Variants in EYS observed in about 807,000 individuals in gnomAD.
EYS encodes the protein protein eyes shut homolog.
EYS carries 250 observed loss-of-function variants against 282.1 expected under a neutral mutation model. The observed-to-expected ratio is 0.89, with a 90% confidence interval of 0.80 to 0.98. EYS has a LOEUF of 0.98. Among genes scored for constraint, EYS ranks in the 50% least tolerant of loss-of-function variants. EYS has a pLI of 0.00. For missense variants in EYS, 4,016 were observed against 3,709.0 expected (o/e 1.08, Z -2.15); for synonymous variants, 1,355 against 1,282.9 (o/e 1.06, Z -1.20).
At chr6:64,305,857 G>C (rs141459041) in intron 30 of EYS, among the ~76,000 whole-genome samples, 280 of 152,162 alleles carry the variant, frequency 1.8e-3, no homozygotes, top group Middle Eastern at 3.4e-3. Flanking sequence ...CAAATGCACA[G>C]GCAATGAAAG....
At chr6:64,387,598 C>G (rs1313784810) in intron 29 of EYS, among the ~76,000 whole-genome samples, 1 of 152,002 alleles carries the variant, frequency 6.6e-6, no homozygotes, top group African/African-American at 2.4e-5. Flanking sequence ...AGGAACTGTC[C>G]TTGCCTTGGT....
chr6:65,458,879 A>G (rs9342480), intron 5 of EYS, among the ~76,000 whole-genome samples: 28,377 of 152,036 alleles, frequency 0.19, 3,275 homozygotes, highest in Middle Eastern at 0.3. Context: ...ACATCATTGC[A>G]GGTACTATTG....
intron 19 of EYS, among the ~76,000 whole-genome samples, chr6:64,834,394 A>G (rs1430302276): frequency 5.3e-5 from 8 of 151,814 alleles, no homozygotes; most frequent in Non-Finnish European, 1.2e-4. Flanking sequence ...TGCATGAAAA[A>G]ATGGAAAAAA....
chr6:65,159,827 C>G (rs1441036998), intron 12 of EYS, among the ~76,000 whole-genome samples: 1 of 150,768 alleles, frequency 6.6e-6, no homozygotes, highest in Non-Finnish European at 1.5e-5. Flanking sequence ...GTCATTACTC[C>G]ACTATCATGA....
chr6:65,619,984 A>T lies in EYS; in HGVS notation c.-333+19794T>A, dbSNP rs570694227. 2.5e-3 allele frequency among the ~76,000 whole-genome samples: 377 copies of T among 152,016 alleles called. 2 individuals are homozygous for T. Among genetic ancestry groups the T allele is most frequent in the African/African-American group, 8.9e-3 (371 of 41,490 alleles). On this transcript the variant is annotated intron_variant, in intron 2 of 42. Transcript: ENST00000503581. ...TATTTTATTGAGGATTTTTGCATCA[A>T]TGTTCATCAAGGATATTGGTCTAAA... is the stretch of plus-strand genomic sequence containing the variant.
At chr6:64,760,260 A>G (rs906206722) in intron 22 of EYS, among the ~76,000 whole-genome samples, 1 of 151,964 alleles carries the variant, frequency 6.6e-6, no homozygotes, top group Non-Finnish European at 1.5e-5. Context: ...CCTCTCTTTG[A>G]CACTCTAGGC....
chr6:63,946,843 ATGTC>A, intron 35 of EYS, among the ~76,000 whole-genome samples: 1 of 151,890 alleles, frequency 6.6e-6, no homozygotes, highest in South Asian at 2.1e-4. Flanking sequence ...CTGGATAAAA[ATGTC>A]TGTGATGAAA....
intron 35 of EYS, among the ~76,000 whole-genome samples, chr6:63,875,799 C>T (rs1461688937): frequency 6.6e-6 from 1 of 152,078 alleles, no homozygotes; most frequent in Admixed American, 6.6e-5. Flanking sequence ...TGTGTATTTC[C>T]ATGGGATCGG....
chr6:65,219,749 T>C (rs1766411449), intron 12 of EYS, among the ~76,000 whole-genome samples: 1 of 152,086 alleles, frequency 6.6e-6, no homozygotes, highest in African/African-American at 2.4e-5. Flanking sequence ...GACTCACAGT[T>C]CCATATGGTT....
At chr6:65,629,444 T>C (rs944527192) in intron 2 of EYS, among the ~76,000 whole-genome samples, 5 of 152,212 alleles carry the variant, frequency 3.3e-5, no homozygotes, top group Admixed American at 2.6e-4. Flanking sequence ...TGCATGTCCA[T>C]TGTTCTTCTA....
intron 22 of EYS, among the ~76,000 whole-genome samples, chr6:64,657,741 C>T (rs1246372834): frequency 1.3e-5 from 2 of 152,178 alleles, no homozygotes; most frequent in South Asian, 4.1e-4. Context: ...GTCTGATGGG[C>T]TTCCCCTTGT....
intron 41 of EYS, among the ~76,000 whole-genome samples, chr6:63,747,613 T>G (rs753771290): frequency 6.6e-6 from 1 of 152,218 alleles, no homozygotes; most frequent in Non-Finnish European, 1.5e-5. Context: ...GAACTTGTTA[T>G]ATGAATCTGA....
At chr6:64,181,137 G>T (rs144953361) in intron 31 of EYS, among the ~76,000 whole-genome samples, 2 of 152,196 alleles carry the variant, frequency 1.3e-5, no homozygotes, top group African/African-American at 4.8e-5. Flanking sequence ...GAAGAAAAAA[G>T]AAAACACTGA....
Position 65,334,834 on chromosome 6 carries a change from A to T in EYS, c.1766+146T>A, listed in dbSNP as rs557439011. The T allele has an allele frequency of 4.6e-6, 3 of 659,018 alleles. No individual in the cohort carries two copies. In the South Asian group the frequency reaches 5.6e-5, roughly 12 times the overall value. 40.8% of individuals were successfully genotyped at this position (659,018 alleles called of 1,614,324 possible). A position where few individuals can be genotyped will look rare whatever the true frequency, so the allele number is the denominator to read the frequency against. ...TTATGTAACATAATATATAATAACT[A>T]TATATGTATATGTAAGTGTTTGTTA... On this transcript the variant is annotated intron_variant, in intron 11 of 42. Coordinates refer to ENST00000503581, the MANE Select transcript of EYS (RefSeq NM_001142800.2).
chr6:64,205,308 T>A (rs1453176643), intron 31 of EYS, among the ~76,000 whole-genome samples: 1 of 152,206 alleles, frequency 6.6e-6, no homozygotes, highest in Non-Finnish European at 1.5e-5. Flanking sequence ...TTCCAGTTTT[T>A]AAATTATAAT....
At chr6:65,648,309 A>AAC (rs1562308095) in intron 1 of EYS, among the ~76,000 whole-genome samples, 1 of 87,208 alleles carries the variant, frequency 1.1e-5, no homozygotes, top group Non-Finnish European at 2.7e-5. Flanking sequence ...GGATAAAGAA[A>AAC]ATATATGTGT....
intron 26 of EYS, among the ~76,000 whole-genome samples, chr6:64,532,763 T>G (rs1231925938): frequency 6.6e-6 from 1 of 152,058 alleles, no homozygotes; most frequent in Non-Finnish European, 1.5e-5. Flanking sequence ...AAAATTTTAT[T>G]TACTACAATG....
chr6:63,921,333 T>C (rs777633812), intron 35 of EYS, among the ~76,000 whole-genome samples: 6 of 152,258 alleles, frequency 3.9e-5, no homozygotes, highest in Non-Finnish European at 5.9e-5. Context: ...GTGGTGTTTC[T>C]GTGGCTCTGT....
chr6:63,826,532 A>G (rs1771465748), intron 36 of EYS, among the ~76,000 whole-genome samples: 1 of 152,238 alleles, frequency 6.6e-6, no homozygotes, highest in Non-Finnish European at 1.5e-5. Flanking sequence ...CTATCAGATT[A>G]ACAGCAGACT....
Sources: gnomAD v4.1 joint callset for allele counts (sites outside exome capture counted in the v4.1 genomes callset) on GRCh38, gnomAD v4.1.1 for gene constraint, MANE v1.5 for transcripts, NCBI Gene and HGNC (gene_info 2026-07-23, HGNC 2026-07-21) for gene names.